TNKS: variants seen among roughly 807,000 people sequenced by gnomAD.
The protein encoded by TNKS is tankyrase, also known as poly [ADP-ribose] polymerase tankyrase-1.
TNKS carries 72 observed loss-of-function variants against 135.8 expected under a neutral mutation model. The observed-to-expected ratio is 0.53, with a 90% CI of 0.44 to 0.64. The LOEUF is 0.64. Among genes scored for constraint, TNKS ranks in the 30% least tolerant of loss-of-function variants. The pLI, the probability that TNKS is intolerant of heterozygous loss-of-function variation, is 0.00. For synonymous variants in TNKS, 849 were observed against 649.3 expected (o/e 1.31, Z -4.68); for missense variants, 1,769 against 1,674.0 (o/e 1.06, Z -0.99).
rs764550013 is a variant in TNKS at position 9,615,713 on chromosome 8, G to C, written c.994+36G>C. ...AGAGAGCTACCGAATGATTATATCT[G>C]TGTAACTCCTTACTTGATTTTATAA... On this transcript the variant is annotated intron_variant, in intron 3 of 26. Transcript: ENST00000310430. 6 of 1,499,438 alleles carry C rather than the reference G, an allele frequency of 4.0e-6. No homozygotes were observed. In the Admixed American group the frequency reaches 1.2e-4, roughly 29 times the overall value. 92.9% of individuals were successfully genotyped at this position (1,499,438 alleles called of 1,614,324 possible). A position where few individuals can be genotyped will look rare whatever the true frequency, so the allele number is the denominator to read the frequency against.
At chr8:9,702,071 C>T (rs573204683) in intron 5 of TNKS, among the ~76,000 whole-genome samples, 11 of 152,242 alleles carry the variant, frequency 7.2e-5, no homozygotes, top group African/African-American at 2.6e-4. Context: ...AAAATCTGTC[C>T]TACACTAAAG....
At chr8:9,713,993 G>C (rs962899914) in intron 11 of TNKS, among the ~76,000 whole-genome samples, 8 of 152,296 alleles carry the variant, frequency 5.3e-5, no homozygotes, top group African/African-American at 1.9e-4. Context: ...ACTGCTTCTA[G>C]CACCCTGCTG....
intron 3 of TNKS, among the ~76,000 whole-genome samples, chr8:9,621,734 A>G (rs575205268): frequency 2.0e-5 from 3 of 152,296 alleles, no homozygotes; most frequent in East Asian, 3.9e-4. Context: ...GTTAATCTGA[A>G]CTTAAAGAAT....
intron 2 of TNKS, among the ~76,000 whole-genome samples, chr8:9,606,945 G>C (rs1427641382): frequency 6.6e-6 from 1 of 152,030 alleles, no homozygotes; most frequent in African/African-American, 2.4e-5. Context: ...CTTTAAGATT[G>C]TCTCTTCTGC....
chr8:9,767,194 T>G (rs1221673365), intron 25 of TNKS, among the ~76,000 whole-genome samples: 1 of 152,244 alleles, frequency 6.6e-6, no homozygotes, highest in Non-Finnish European at 1.5e-5. Context: ...CTTGGCAACT[T>G]AAAATATCAA....
intron 11 of TNKS, among the ~76,000 whole-genome samples, chr8:9,711,979 TC>T (rs1207376610): frequency 6.6e-6 from 1 of 152,182 alleles, no homozygotes; most frequent in Non-Finnish European, 1.5e-5. Context: ...ATGCAGCACT[TC>T]CTAATAACTT....
At chr8:9,573,340 A>G (rs886695362) in intron 1 of TNKS, among the ~76,000 whole-genome samples, 6 of 152,206 alleles carry the variant, frequency 3.9e-5, no homozygotes, top group Non-Finnish European at 7.3e-5. Flanking sequence ...GAAGTGATGT[A>G]CAGAAGACAA....
chr8:9,735,294 C>T, intron 16 of TNKS, 83 bp from the exon 17 acceptor site: 1 of 1,320,984 alleles, frequency 7.6e-7, no homozygotes, highest in Non-Finnish European at 1.1e-6. Context: ...AAAACCTTAA[C>T]ATTTTCTGGT....
chr8:9,641,093 C>T (rs1176121714), intron 3 of TNKS, among the ~76,000 whole-genome samples: 1 of 146,006 alleles, frequency 6.8e-6, no homozygotes, highest in Non-Finnish European at 1.5e-5. Context: ...TGTTCTCCCT[C>T]ACTGCATTAA....
chr8:9,581,350 T>C (rs1224932388), intron 2 of TNKS, among the ~76,000 whole-genome samples: 1 of 152,228 alleles, frequency 6.6e-6, no homozygotes, highest in Admixed American at 6.5e-5. Flanking sequence ...CCTTTGCTAC[T>C]TGAGCATCCA....
At chr8:9,740,074 A>G (rs868730942) in intron 17 of TNKS, among the ~76,000 whole-genome samples, 1 of 150,188 alleles carries the variant, frequency 6.7e-6, no homozygotes, top group African/African-American at 2.4e-5. Context: ...AAAAAAAAAA[A>G]AAAAAAGAAA....
Position 9,576,816 on chromosome 8 carries a change from A to G in TNKS, c.674-3343A>G, listed in dbSNP as rs541691156. On this transcript the variant is annotated intron_variant, in intron 1 of 26. Transcript: ENST00000310430. ...ATATAGATTGAACCATATGAAGTTGACAAAAATAATGTGAATATATGAAAT... is the reference window on the plus strand; with the variant it reads ...ATATAGATTGAACCATATGAAGTTGGCAAAAATAATGTGAATATATGAAAT... Among the ~76,000 whole-genome samples, 4 of 152,310 alleles carry G rather than the reference A, an allele frequency of 2.6e-5. No homozygotes were observed. The East Asian group carries it at 7.7e-4, about 29-fold the overall frequency.
chr8:9,632,345 G>C (rs1014084917), intron 3 of TNKS, among the ~76,000 whole-genome samples: 5 of 152,092 alleles, frequency 3.3e-5, no homozygotes, highest in African/African-American at 1.2e-4. Flanking sequence ...AAAATACTAA[G>C]ATGAATACCT....
intron 5 of TNKS, among the ~76,000 whole-genome samples, chr8:9,685,780 G>A (rs1301173796): frequency 6.6e-6 from 1 of 152,112 alleles, no homozygotes; most frequent in Non-Finnish European, 1.5e-5. Context: ...AACACGTGTT[G>A]ATTAAAAATT....
intron 3 of TNKS, among the ~76,000 whole-genome samples, chr8:9,623,108 C>T (rs1799926683): frequency 6.6e-6 from 1 of 152,190 alleles, no homozygotes; most frequent in African/African-American, 2.4e-5. Context: ...TATTTTCAGA[C>T]TGTGGTTGAC....
chr8:9,645,357 A>C (rs1800882639), intron 3 of TNKS, among the ~76,000 whole-genome samples: 1 of 152,186 alleles, frequency 6.6e-6, no homozygotes, highest in South Asian at 2.1e-4. Context: ...GTTTTCAAAG[A>C]CCATGCTGCA....
At chr8:9,602,423 C>T (rs117357349) in intron 2 of TNKS, among the ~76,000 whole-genome samples, 3,326 of 152,280 alleles carry the variant, frequency 0.022, 56 homozygotes, top group South Asian at 0.07. Context: ...CCCACGCCTC[C>T]TCACAAATGG....
At chr8:9,741,813 C>T (rs1422073230) in intron 17 of TNKS, 3 of 452,666 alleles carry the variant, frequency 6.6e-6, no homozygotes, top group African/African-American at 2.0e-5. Context: ...CTTGCTGTCA[C>T]CTGAAGAGAG....
At chr8:9,675,696 C>A (rs1176498547) in intron 3 of TNKS, among the ~76,000 whole-genome samples, 1 of 152,172 alleles carries the variant, frequency 6.6e-6, no homozygotes, top group Non-Finnish European at 1.5e-5. Flanking sequence ...ATTGTTATTA[C>A]TATTTGTTAC....
Sources: gnomAD v4.1 joint callset for allele counts (sites outside exome capture counted in the v4.1 genomes callset) on GRCh38, gnomAD v4.1.1 for gene constraint, MANE v1.5 for transcripts, NCBI Gene and HGNC (gene_info 2026-07-23, HGNC 2026-07-21) for gene names.